GNAS-AS1: variants seen among roughly 807,000 people sequenced by gnomAD.
The protein encoded by GNAS-AS1 is GNAS antisense RNA 1 (non-protein coding).
intron 4 of GNAS-AS1, among the ~76,000 whole-genome samples, chr20:58,830,571 C>T (rs200818774): frequency 7.7e-6 from 1 of 130,246 alleles, no homozygotes; most frequent in Admixed American, 7.5e-5. Context: ...ATCACCACCA[C>T]CACACCACCA....
intron 4 of GNAS-AS1, among the ~76,000 whole-genome samples, chr20:58,829,482 T>C (rs1186512663): frequency 1.3e-5 from 2 of 152,234 alleles, no homozygotes; most frequent in South Asian, 2.1e-4. Context: ...GTTTAACCTG[T>C]TGGGCCCAGA....
chr20:58,843,729 A>C (rs2085832929), intron 2 of GNAS-AS1, among the ~76,000 whole-genome samples: 2 of 152,254 alleles, frequency 1.3e-5, no homozygotes, highest in Non-Finnish European at 1.5e-5. Flanking sequence ...CCTTTAGTAC[A>C]TTAATCATTT....
chr20:58,846,650 C>T (rs976266893), intron 2 of GNAS-AS1, among the ~76,000 whole-genome samples: 11 of 152,200 alleles, frequency 7.2e-5, no homozygotes, highest in African/African-American at 1.2e-4. Flanking sequence ...GGCCAAAGAC[C>T]GGCAGCCAGC....
At chr20:58,834,244 A>G (rs1463987663) in intron 4 of GNAS-AS1, 3 of 152,224 alleles carry the variant, frequency 2.0e-5, no homozygotes, top group Non-Finnish European at 4.4e-5. Flanking sequence ...CAAAAGACAA[A>G]GCTATGAGCC....
intron 3 of GNAS-AS1, chr20:58,842,297 CGT>C: frequency 1.0e-5 from 4 of 397,384 alleles, no homozygotes; most frequent in Non-Finnish European, 1.8e-5. Flanking sequence ...TCCTGGTGTG[CGT>C]GTCTCATTTT....
intron 2 of GNAS-AS1, among the ~76,000 whole-genome samples, chr20:58,843,844 T>C (rs2085838696): frequency 6.6e-6 from 1 of 152,248 alleles, no homozygotes; most frequent in African/African-American, 2.4e-5. Context: ...GTTCCAATAT[T>C]GTGTGGGGTC....
Position 58,840,474 on chromosome 20 carries a change from C to G in GNAS-AS1, n.819+1463G>C. 1 of 1,613,558 alleles carries G rather than the reference C, an allele frequency of 6.2e-7. No individual in the cohort carries two copies. Among genetic ancestry groups the G allele is most frequent in the Non-Finnish European group, 8.5e-7 (1 of 1,179,914 alleles). ...ACCGAGTCCGAAATCGAGTCCGAGA[C>G]CGACTTCGAGACCGAGCCTGAGACC... On this transcript the variant is annotated intron_variant and non_coding_transcript_variant, in intron 4 of 4. Coordinates refer to ENST00000424094, the Ensembl canonical transcript of GNAS-AS1. The surrounding 1 kb of genome is among the most constrained non-coding windows in gnomAD (Gnocchi z 6.0).
intron 4 of GNAS-AS1, among the ~76,000 whole-genome samples, chr20:58,837,117 C>A (rs1403983569): frequency 6.6e-6 from 1 of 152,154 alleles, no homozygotes; most frequent in Non-Finnish European, 1.5e-5. Context: ...TTGCTGACAG[C>A]TGACATTAGT....
rs1800900 is a variant in GNAS-AS1 at position 58,840,055 on chromosome 20, A to G, written n.819+1882T>C. Reference sequence around the variant, plus strand: ...CCAGCAGCCAATGTGCTTCGGAGCCACTCTCTGCAGAGCCAGAGGGCAGGC... The same window carrying G: ...CCAGCAGCCAATGTGCTTCGGAGCCGCTCTCTGCAGAGCCAGAGGGCAGGC... On this transcript the variant is annotated intron_variant and non_coding_transcript_variant, in intron 4 of 4. Coordinates refer to ENST00000424094, the Ensembl canonical transcript of GNAS-AS1. The surrounding 1 kb of genome is among the most constrained non-coding windows in gnomAD (Gnocchi z 6.0). 0.64 allele frequency: 1,019,846 copies of G among 1,596,376 alleles called. 329,219 individuals are homozygous for G. The highest frequency in any genetic ancestry group is 0.78 in the East Asian group (34,895 of 44,740).
chr20:58,843,464 C>T (rs2085822640), intron 2 of GNAS-AS1: 1 of 152,322 alleles, frequency 6.6e-6, no homozygotes, highest in Admixed American at 6.5e-5. Flanking sequence ...TCCCAACTCA[C>T]TAGTCTCCCA....
In GNAS-AS1 at chr20:58,840,273, C is replaced by A. The variant is rs141238454; in HGVS notation, n.819+1664G>T. ...TCCAACGCCCGTGCCCAGCAGCGCG[C>A]GGCTGCCCAACAGCGCCGGAGCTTC... On this transcript the variant is annotated intron_variant and non_coding_transcript_variant, in intron 4 of 4. Transcript: ENST00000424094. The surrounding 1 kb of genome is among the most constrained non-coding windows in gnomAD (Gnocchi z 6.0). The A allele has an allele frequency of 6.2e-7, 1 of 1,612,060 alleles. No homozygotes were observed. Among genetic ancestry groups the A allele is most frequent in the Admixed American group, 1.7e-5 (1 of 60,026 alleles).
chr20:58,841,784 G>A lies in GNAS-AS1; in HGVS notation n.819+153C>T. ...TGCCAAGCTTTTGGCGCAGCTGGTC[G>A]GGTGGCCAGGCTGCATGCGGCTTAG... On this transcript the variant is annotated intron_variant and non_coding_transcript_variant, in intron 4 of 4. Coordinates refer to ENST00000424094, the Ensembl canonical transcript of GNAS-AS1. This position sits in a 1 kb window ranked among gnomAD's most constrained non-coding sequence, Gnocchi z 5.0. The A allele has an allele frequency of 8.1e-7, 1 of 1,230,506 alleles. No individual in the cohort carries two copies. Among genetic ancestry groups the A allele is most frequent in the Non-Finnish European group, 1.0e-6 (1 of 987,708 alleles). The allele number at this position is 1,230,506 out of a possible 1,614,324, so 76.2% of individuals were successfully genotyped here.
At position 58,840,920 on chromosome 20, in the gene GNAS-AS1, G is replaced by C. The variant is rs1481917992; in HGVS notation, n.819+1017C>G. The C allele has an allele frequency of 6.2e-7, 1 of 1,608,632 alleles. No individual in the cohort carries two copies. The highest frequency in any genetic ancestry group is 1.3e-5 in the African/African-American group (1 of 74,950). ...CCCACCGCTAAACTGGGGAGCCTGA[G>C]GGCGGTGTGGGAGCAGCGCAGGTGG... On this transcript the variant is annotated intron_variant and non_coding_transcript_variant, in intron 4 of 4. Coordinates refer to ENST00000424094, the Ensembl canonical transcript of GNAS-AS1. The surrounding 1 kb of genome is among the most constrained non-coding windows in gnomAD (Gnocchi z 6.0).
At chr20:58,839,141 C>G (rs1344846639) in intron 4 of GNAS-AS1, 15 of 398,394 alleles carry the variant, frequency 3.8e-5, no homozygotes, top group Middle Eastern at 6.2e-4. Context: ...GGCTTGCAGA[C>G]TTGCAAACTA....
In GNAS-AS1 at chr20:58,840,967, C is replaced by G. The variant is rs1354585009; in HGVS notation, n.819+970G>C. 6.9e-7 allele frequency: 1 copy of G among 1,457,598 alleles called. No homozygotes were observed. 90.3% of individuals were successfully genotyped at this position (1,457,598 alleles called of 1,614,324 possible). A position where few individuals can be genotyped will look rare whatever the true frequency, so the allele number is the denominator to read the frequency against. ...GTGGAAAGGAGGTGAGAAGGAAAGGCAGGTCAGGGGCGAGTGGGAAGAGAG... is the reference window on the plus strand; with the variant it reads ...GTGGAAAGGAGGTGAGAAGGAAAGGGAGGTCAGGGGCGAGTGGGAAGAGAG... On this transcript the variant is annotated intron_variant and non_coding_transcript_variant, in intron 4 of 4. Transcript: ENST00000424094. This position sits in a 1 kb window ranked among gnomAD's most constrained non-coding sequence, Gnocchi z 6.0.
rs1267212034 is a variant in GNAS-AS1, at chr20:58,830,242, A to G, written n.820-10987T>C. Among the ~76,000 whole-genome samples, 199 of 144,206 alleles carry G rather than the reference A, an allele frequency of 1.4e-3. 2 individuals carry two copies. The highest frequency in any genetic ancestry group is 5.0e-3 in the African/African-American group (192 of 38,024). 94.6% of individuals were successfully genotyped at this position (144,206 alleles called of 152,430 possible). On this transcript the variant is annotated intron_variant and non_coding_transcript_variant, in intron 4 of 4. Coordinates refer to ENST00000424094, the Ensembl canonical transcript of GNAS-AS1. ...CCACACCACCATCACCACAATCACC[A>G]CCACCACCATCAACGCCACACCATC... is the stretch of plus-strand genomic sequence containing the variant.
intron 4 of GNAS-AS1, among the ~76,000 whole-genome samples, chr20:58,830,235 A>T (rs1192144453): frequency 1.1e-5 from 1 of 91,388 alleles, no homozygotes; most frequent in Admixed American, 1.0e-4. Context: ...CCATCACCAC[A>T]ATCACCACCA....
At chr20:58,830,614 ACAC>A (rs1156229405) in intron 4 of GNAS-AS1, among the ~76,000 whole-genome samples, 2 of 103,212 alleles carry the variant, frequency 1.9e-5, no homozygotes, top group Admixed American at 9.6e-5. Context: ...CATCACCACC[ACAC>A]CACCATCACC....
At chr20:58,846,061 G>C (rs1235966051) in intron 2 of GNAS-AS1, among the ~76,000 whole-genome samples, 1 of 152,202 alleles carries the variant, frequency 6.6e-6, no homozygotes, top group African/African-American at 2.4e-5. Context: ...CAGTAAAGTG[G>C]GGAGAGATTT....
Sources: allele counts gnomAD v4.1 joint callset (sites outside exome capture counted in the v4.1 genomes callset), GRCh38; gene constraint gnomAD v4.1.1; non-coding constraint Gnocchi (gnomAD v3.1); transcripts MANE v1.5; gene names NCBI Gene and HGNC (gene_info 2026-07-23, HGNC 2026-07-21).